Variants in SCHIP1 observed in about 807,000 individuals in gnomAD.
SCHIP1 encodes the protein schwannomin interacting protein 1.
In SCHIP1, 8 loss-of-function variants were observed where a neutral mutation model predicts 29.7. The ratio of observed to expected loss-of-function variants is 0.27; its 90% CI spans 0.16 to 0.49. SCHIP1 has a LOEUF of 0.49. Ranked by LOEUF, SCHIP1 falls within the 20% of genes least tolerant of loss-of-function variation. The pLI is 0.99. For missense variants in SCHIP1, 193 were observed against 294.6 expected (o/e 0.66, Z 2.52); for synonymous variants, 76 against 94.9 (o/e 0.80, Z 1.16).
the SCHIP1 span, among the ~76,000 whole-genome samples, chr3:159,626,158 A>ATATCTAGATATATCTATC: frequency 8.2e-6 from 1 of 121,974 alleles, no homozygotes; most frequent in East Asian, 2.3e-4. Flanking sequence ...ATATATATAT[A>ATATCTAGATATATCTATC]TATCTAGATA....
At chr3:159,890,363 A>G (rs33057) in intron 5 of SCHIP1, among the ~76,000 whole-genome samples, 55,639 of 151,970 alleles carry the variant, frequency 0.37, 10,764 homozygotes, top group East Asian at 0.72. Context: ...TATTGGAAAA[A>G]CAATTCTATG....
chr3:159,537,435 A>G, the SCHIP1 span, among the ~76,000 whole-genome samples: 2 of 152,158 alleles, frequency 1.3e-5, no homozygotes, highest in Admixed American at 1.3e-4. Flanking sequence ...GTTTGATATC[A>G]TGGATGATGA....
At chr3:159,731,729 G>A in the SCHIP1 span, among the ~76,000 whole-genome samples, 2 of 152,220 alleles carry the variant, frequency 1.3e-5, no homozygotes, top group Non-Finnish European at 1.5e-5. Flanking sequence ...ACCTGAAATA[G>A]AAGCAGAAGC....
the SCHIP1 span, among the ~76,000 whole-genome samples, chr3:159,674,468 A>G: frequency 6.6e-6 from 1 of 152,106 alleles, no homozygotes; most frequent in East Asian, 1.9e-4. Context: ...CAGGTGAACT[A>G]GATACAACAA....
the SCHIP1 span, among the ~76,000 whole-genome samples, chr3:159,522,645 C>A: frequency 6.6e-6 from 1 of 152,070 alleles, no homozygotes; most frequent in African/African-American, 2.4e-5. Flanking sequence ...CGGAGGCGGG[C>A]AGATCACATG....
the SCHIP1 span, among the ~76,000 whole-genome samples, chr3:159,483,205 TC>T: frequency 3.3e-5 from 5 of 152,140 alleles, no homozygotes; most frequent in African/African-American, 1.2e-4. Context: ...TGCTCTTATT[TC>T]TCCTTTGCGG....
chr3:159,661,583 C>A, the SCHIP1 span, among the ~76,000 whole-genome samples: 2 of 152,194 alleles, frequency 1.3e-5, no homozygotes, highest in Non-Finnish European at 2.9e-5. Flanking sequence ...TGGTGGCCTG[C>A]AAGTGAAATG....
chr3:159,601,157 A>G, the SCHIP1 span, among the ~76,000 whole-genome samples: 3 of 152,148 alleles, frequency 2.0e-5, no homozygotes, highest in Non-Finnish European at 4.4e-5. Flanking sequence ...GTCTTGCTCC[A>G]GGTGCCTTGC....
chr3:159,413,273 G>C, the SCHIP1 span, among the ~76,000 whole-genome samples: 4 of 152,170 alleles, frequency 2.6e-5, no homozygotes, highest in Non-Finnish European at 5.9e-5. Context: ...ATAGAGGTTT[G>C]ATGGGAGAGA....
intron 4 of SCHIP1, chr3:159,888,617 T>C (rs1271940064): frequency 1.9e-6 from 1 of 539,072 alleles, no homozygotes; most frequent in Non-Finnish European, 3.0e-6. Flanking sequence ...GCTGGTAGTG[T>C]TGTGTTTTGA....
At chr3:159,350,726 A>G in the SCHIP1 span, among the ~76,000 whole-genome samples, 1 of 152,200 alleles carries the variant, frequency 6.6e-6, no homozygotes, top group Non-Finnish European at 1.5e-5. Context: ...TAAGGTATCC[A>G]TCATCTCACA....
At chr3:159,609,388 T>A in the SCHIP1 span, among the ~76,000 whole-genome samples, 2 of 152,190 alleles carry the variant, frequency 1.3e-5, no homozygotes. Context: ...AGAAAAATGC[T>A]CTATTATGTC....
the SCHIP1 span, among the ~76,000 whole-genome samples, chr3:159,634,775 G>A: frequency 1.3e-5 from 2 of 152,148 alleles, no homozygotes; most frequent in African/African-American, 4.8e-5. Context: ...TACCGCATTT[G>A]GAGCCATTCT....
chr3:159,572,305 A>G, the SCHIP1 span, among the ~76,000 whole-genome samples: 1 of 152,118 alleles, frequency 6.6e-6, no homozygotes, highest in South Asian at 2.1e-4. Flanking sequence ...TGTCCCAGAG[A>G]TTCTGGTATG....
chr3:159,773,606 C>T, the SCHIP1 span, among the ~76,000 whole-genome samples: 1 of 152,112 alleles, frequency 6.6e-6, no homozygotes, highest in Non-Finnish European at 1.5e-5. Context: ...TAAGAGCTTC[C>T]AAAACTGGAA....
At chr3:159,428,203 A>G in the SCHIP1 span, among the ~76,000 whole-genome samples, 1 of 152,158 alleles carries the variant, frequency 6.6e-6, no homozygotes, top group Non-Finnish European at 1.5e-5. Flanking sequence ...ATGGGATCTA[A>G]TTAAACTAAA....
chr3:159,303,121 A>G, the SCHIP1 span, among the ~76,000 whole-genome samples: 21 of 152,282 alleles, frequency 1.4e-4, no homozygotes, highest in African/African-American at 4.8e-4. Context: ...CATACACTAC[A>G]ATCAGCACTG....
At chr3:159,512,290 A>G in the SCHIP1 span, among the ~76,000 whole-genome samples, 3 of 152,238 alleles carry the variant, frequency 2.0e-5, no homozygotes, top group African/African-American at 7.2e-5. Context: ...GAAAACCTCA[A>G]TGAGATAGCA....
At chr3:159,405,451 ATAAT>A in the SCHIP1 span, among the ~76,000 whole-genome samples, 1 of 152,260 alleles carries the variant, frequency 6.6e-6, no homozygotes, top group African/African-American at 2.4e-5. Context: ...AAGAAATTGA[ATAAT>A]TAAAAAGAAT....
Sources: allele counts gnomAD v4.1 joint callset (sites outside exome capture counted in the v4.1 genomes callset), GRCh38; gene constraint gnomAD v4.1.1; transcripts MANE v1.5; gene names NCBI Gene and HGNC (gene_info 2026-07-23, HGNC 2026-07-21).